SCN1A: variants seen among roughly 807,000 people sequenced by gnomAD.
SCN1A encodes sodium voltage-gated channel alpha subunit 1, also known as sodium channel protein type 1 subunit alpha.
SCN1A carries 13 observed loss-of-function variants against 193.7 expected under a neutral mutation model. The observed-to-expected ratio is 0.07, with a 90% CI of 0.04 to 0.11. SCN1A has a LOEUF of 0.11. Ranked by LOEUF, SCN1A falls within the 10% of genes least tolerant of loss-of-function variation. SCN1A has a pLI of 1.00. For synonymous variants in SCN1A, 781 were observed against 843.6 expected (o/e 0.93, Z 1.29); for missense variants, 1,432 against 2,451.1 (o/e 0.58, Z 8.78).
At position 165,996,088 on chromosome 2, in the gene SCN1A, T is replaced by C. The variant is rs587781147; in HGVS notation, c.4506A>G (p.Glu1502=). The C allele has an allele frequency of 6.2e-7, 1 of 1,608,806 alleles. No individual in the cohort carries two copies. The highest frequency in any genetic ancestry group is 8.5e-7 in the Non-Finnish European group (1 of 1,176,438). ...TTGCATTATAGTATTTCTTCTGTTCTTCTGTCATAAAGATGTCTTGACCTC... is the reference window on the plus strand; with the variant it reads ...TTGCATTATAGTATTTCTTCTGTTCCTCTGTCATAAAGATGTCTTGACCTC... ...KFGGQDIFMT[E]EQKKYYNAMK... is the part of the protein sequence containing the mutation. The change falls in exon 27 of 29, where the codon GAA becomes GAG. Residue 1502 remains glutamate, a synonymous_variant. Coordinates refer to ENST00000674923, the MANE Select transcript of SCN1A (RefSeq NM_001165963.4).
At position 165,991,205 on chromosome 2, in the gene SCN1A, G is replaced by A; in HGVS notation, c.*40C>T. ...TAAAAATACATCACCTTCACAGGCT[G>A]TAAACAATTTGTCACCCAATTATTT... On this transcript the variant is annotated 3_prime_UTR_variant, in exon 29 of 29. Transcript: ENST00000674923. 1 of 1,535,598 alleles carries A rather than the reference G, an allele frequency of 6.5e-7. No individual in the cohort carries two copies. The highest frequency in any genetic ancestry group is 2.4e-5 in the East Asian group (1 of 41,706).
intron 2 of SCN1A, among the ~76,000 whole-genome samples, chr2:166,112,296 T>G (rs1689378069): frequency 6.6e-6 from 1 of 152,104 alleles, no homozygotes; most frequent in South Asian, 2.1e-4. Flanking sequence ...AAAGCGAGAC[T>G]CTCCACCAGC....
At chr2:166,026,884 C>T (rs1694861688) in intron 19 of SCN1A, among the ~76,000 whole-genome samples, 1 of 151,754 alleles carries the variant, frequency 6.6e-6, no homozygotes, top group African/African-American at 2.4e-5. Flanking sequence ...GGGGTTTCAC[C>T]GTGTTAGCCA....
intron 2 of SCN1A, among the ~76,000 whole-genome samples, chr2:166,113,645 G>T (rs754355421): frequency 6.6e-6 from 1 of 152,220 alleles, no homozygotes; most frequent in Non-Finnish European, 1.5e-5. Flanking sequence ...CTGAGAATTA[G>T]ATGCATACAC....
intron 2 of SCN1A, among the ~76,000 whole-genome samples, chr2:166,086,767 T>A (rs11890028): frequency 6.6e-6 from 1 of 152,076 alleles, no homozygotes; most frequent in Non-Finnish European, 1.5e-5. Flanking sequence ...GTCATGTGAA[T>A]TCAGTCATTC....
rs1473150582 is a variant in SCN1A, at chr2:166,073,799, TA to T, written c.-49-130del. 9.1e-5 allele frequency: 66 copies of T among 725,874 alleles called. No individual in the cohort carries two copies. The East Asian group carries it at 9.2e-4, about 10-fold the overall frequency. 45.0% of individuals were successfully genotyped at this position (725,874 alleles called of 1,614,324 possible). On this transcript the variant is annotated intron_variant, in intron 3 of 28. Transcript: ENST00000674923. ...TCTCCTTAAATTGAAAGGTGATTTC[TA>T]AAGAAAAAATTTTAACACAAATGGT...
At chr2:166,092,283 C>A (rs1686888996) in intron 2 of SCN1A, among the ~76,000 whole-genome samples, 1 of 151,878 alleles carries the variant, frequency 6.6e-6, no homozygotes, top group South Asian at 2.1e-4. Flanking sequence ...TAAGGTGGAC[C>A]TAGAATCTGT....
chr2:166,014,043 A>G (rs1019173721), intron 20 of SCN1A, 145 bp from the exon 21 acceptor site: 1 of 938,320 alleles, frequency 1.1e-6, no homozygotes, highest in East Asian at 2.5e-5. Context: ...GTAAGAGCAC[A>G]TTCATCAGCT....
In SCN1A at chr2:165,991,128, T is replaced by C; in HGVS notation, c.*117A>G. On this transcript the variant is annotated 3_prime_UTR_variant, in exon 29 of 29. Coordinates refer to ENST00000674923, the MANE Select transcript of SCN1A (RefSeq NM_001165963.4). ...ATTGTAGGCACTGACCTTAAGGAGA[T>C]TTGTGTAAAAACAGTCAGTTTGGCA... The C allele has an allele frequency of 1.1e-6, 1 of 887,932 alleles. No individual in the cohort carries two copies. The highest frequency in any genetic ancestry group is 1.7e-6 in the Non-Finnish European group (1 of 578,070). 55.0% of individuals were successfully genotyped at this position (887,932 alleles called of 1,614,324 possible).
rs1049006836 is a variant in SCN1A, at chr2:166,034,836, C to T, written c.3429+1212G>A. Among the ~76,000 whole-genome samples, 3 of 152,130 alleles carry T rather than the reference C, an allele frequency of 2.0e-5. No individual in the cohort carries two copies. In the East Asian group the frequency reaches 5.8e-4, roughly 29 times the overall value. On this transcript the variant is annotated intron_variant, in intron 19 of 28. Coordinates refer to ENST00000674923, the MANE Select transcript of SCN1A (RefSeq NM_001165963.4). ...ATAGACACCAGAGTTCTCTCTCTTT[C>T]CATGTACATGCATTGAGGACAGGCC... is the stretch of plus-strand genomic sequence containing the variant.
chr2:166,054,843 A>C (rs895571155), intron 6 of SCN1A, 77 bp from the exon 7 acceptor site: 1 of 1,318,740 alleles, frequency 7.6e-7, no homozygotes, highest in Non-Finnish European at 1.1e-6. Flanking sequence ...TCACTCCATC[A>C]GTGGAATAGA....
chr2:166,045,289 C>A lies in SCN1A; in HGVS notation c.1416G>T (p.Glu472Asp). Reference sequence around the variant, plus strand: ...CTGAGAGCCTGCCTGCTGCACTGGGCTCTCTGGAATGTTCTGAGGCAGTTG... The same window carrying A: ...CTGAGAGCCTGCCTGCTGCACTGGGATCTCTGGAATGTTCTGAGGCAGTTG... Reference protein sequence around the residue: ...ATATASEHSREPSAAGRLSDS... With the variant: ...ATATASEHSRDPSAAGRLSDS... Residue 472 changes from glutamate (E) to aspartate (D), a missense_variant, in exon 13 of 29, where the codon GAG (glutamate) becomes GAT (aspartate). This residue lies in a region of SCN1A where 58 missense variants were observed against 103.4 expected (regional missense o/e 0.56). Transcript: ENST00000674923. 6.2e-7 allele frequency: 1 copy of A among 1,614,154 alleles called. No individual in the cohort carries two copies. Among genetic ancestry groups the A allele is most frequent in the Non-Finnish European group, 8.5e-7 (1 of 1,180,024 alleles).
Position 166,038,123 on chromosome 2 carries a change from A to G in SCN1A, c.2599T>C (p.Phe867Leu), listed in dbSNP as rs1158721777. ...GTTGGCCAAGATTTTGCCAACTTGA[A>G]AACTCGCAGCTGGAAAATGAAAGAT... ...VLRSFRLLRV[F>L]KLAKSWPTLN... Residue 867 changes from phenylalanine to leucine, a missense_variant, in exon 18 of 29, where the codon TTC becomes CTC. Physicochemically the swap from Phe to Leu is conservative, Grantham distance 22 (BLOSUM62 0). Coordinates refer to ENST00000674923, the MANE Select transcript of SCN1A (RefSeq NM_001165963.4). 6.2e-7 allele frequency: 1 copy of G among 1,610,572 alleles called. No individual in the cohort carries two copies. The highest frequency in any genetic ancestry group is 1.7e-5 in the Admixed American group (1 of 59,624).
rs6735104 is a variant in SCN1A, at chr2:166,051,461, C to T, written c.964+258G>A. Among the ~76,000 whole-genome samples, 101,198 of 151,778 alleles carry T rather than the reference C, an allele frequency of 0.67. 34,167 individuals carry two copies. Among genetic ancestry groups the T allele is most frequent in the East Asian group, 0.89 (4,599 of 5,162 alleles). On this transcript the variant is annotated intron_variant, in intron 9 of 28. Coordinates refer to ENST00000674923, the MANE Select transcript of SCN1A (RefSeq NM_001165963.4). The stretch of plus-strand genomic sequence containing the variant: ...GAAGGCACATTAGCAATGAAAAGAC[C>T]AAATATACATGATAGTAATTCTTTT...
chr2:166,131,588 G>A (rs491520), upstream of SCN1A, among the ~76,000 whole-genome samples: 4 of 152,144 alleles, frequency 2.6e-5, no homozygotes, highest in Non-Finnish European at 1.5e-5. Context: ...TTAGTTTTAC[G>A]ACATAAAGGA....
intron 28 of SCN1A, chr2:165,993,032 AAC>A (rs1689474906): frequency 6.6e-6 from 1 of 152,052 alleles, no homozygotes. Flanking sequence ...TCCTGTACCT[AAC>A]ACTGTAATCT....
At chr2:166,008,827 G>A (rs1692011768) in intron 23 of SCN1A, among the ~76,000 whole-genome samples, 1 of 149,884 alleles carries the variant, frequency 6.7e-6, no homozygotes, top group East Asian at 2.0e-4. Flanking sequence ...ACAATTCAGT[G>A]TTTTGTTTTG....
chr2:166,069,111 G>A (rs1349608920), intron 4 of SCN1A, among the ~76,000 whole-genome samples: 2 of 152,156 alleles, frequency 1.3e-5, no homozygotes, highest in Non-Finnish European at 2.9e-5. Context: ...GCTAAAATGT[G>A]CCTTGCTACA....
intron 16 of SCN1A, among the ~76,000 whole-genome samples, 161 bp downstream of exon 16, chr2:166,041,057 GGGTGATTATTTTT>G (rs1396469084): frequency 1.3e-5 from 2 of 152,186 alleles, no homozygotes; most frequent in African/African-American, 4.8e-5. Context: ...AGCACATTAA[GGGTGATTATTTTT>G]GGCAAAAAAG....
Sources: gnomAD v4.1 joint callset for allele counts (sites outside exome capture counted in the v4.1 genomes callset) on GRCh38, gnomAD v4.1.1 for gene constraint, gnomAD v4.1.1 regional missense constraint, MANE v1.5 for transcripts, NCBI Gene and HGNC (gene_info 2026-07-23, HGNC 2026-07-21) for gene names.